Variants in CDH13 observed in about 807,000 individuals in gnomAD.
CDH13 encodes cadherin 13, also known as cadherin-13.
CDH13 carries 24 observed loss-of-function variants against 63.8 expected under a neutral mutation model. The observed-to-expected ratio is 0.38, with a 90% CI of 0.27 to 0.53. The LOEUF is 0.53. Among genes scored for constraint, CDH13 ranks in the 20% least tolerant of loss-of-function variants. The pLI is 0.85. For missense variants in CDH13, 1,049 were observed against 903.1 expected, an observed-to-expected ratio of 1.16 and a Z score of -2.07; for synonymous variants, 503 against 355.3, an observed-to-expected ratio of 1.42 and a Z score of -4.67.
chr16:83,581,514 C>T (rs1905595930), intron 7 of CDH13, among the ~76,000 whole-genome samples: 1 of 152,098 alleles, frequency 6.6e-6, no homozygotes, highest in South Asian at 2.1e-4. Context: ...CTTCTCAGGC[C>T]ACCCTATTTA....
intron 10 of CDH13, among the ~76,000 whole-genome samples, chr16:83,746,471 G>T (rs1044034581): frequency 2.6e-5 from 4 of 152,182 alleles, no homozygotes; most frequent in Admixed American, 2.6e-4. Context: ...GCTCTGCAAA[G>T]TCTTTGCTCT....
Position 82,640,009 on chromosome 16 carries a change from G to A in CDH13, c.45+12872G>A, listed in dbSNP as rs538617197. 2.4e-3 allele frequency among the ~76,000 whole-genome samples: 361 copies of A among 152,352 alleles called. 1 individual carries two copies. Among genetic ancestry groups the A allele is most frequent in the Non-Finnish European group, 4.2e-3 (287 of 68,026 alleles). ...TATCTCAAGCACAATTCTCAGCATT[G>A]AGGGAGGCAGCAGTGATTAAGAAAG... On this transcript the variant is annotated intron_variant, in intron 1 of 13. Coordinates refer to ENST00000567109, the MANE Select transcript of CDH13 (RefSeq NM_001257.5).
intron 11 of CDH13, among the ~76,000 whole-genome samples, chr16:83,758,938 A>G (rs1651807343): frequency 6.6e-6 from 1 of 152,238 alleles, no homozygotes; most frequent in East Asian, 1.9e-4. Context: ...GGAAGGCTCA[A>G]TGGTATTGAA....
Position 82,961,572 on chromosome 16 carries a change from T to TAAA in CDH13, c.158-70416_158-70414dup, listed in dbSNP as rs71376305. 8.0e-3 allele frequency among the ~76,000 whole-genome samples: 828 copies of TAAA among 103,324 alleles called. 16 individuals carry two copies. The highest frequency in any genetic ancestry group is 0.056 in the East Asian group (187 of 3,348). 67.8% of individuals were successfully genotyped at this position (103,324 alleles called of 152,430 possible). On this transcript the variant is annotated intron_variant, in intron 2 of 13. Coordinates refer to ENST00000567109, the MANE Select transcript of CDH13 (RefSeq NM_001257.5). ...TGTCCATAAGAATAAGCAGGGGACT[T>TAAA]AAAAAAAAAAAAAAAAAAAAAAAAC... is the stretch of plus-strand genomic sequence containing the variant.
chr16:83,645,462 G>A (rs80174056), intron 8 of CDH13, among the ~76,000 whole-genome samples: 4 of 152,246 alleles, frequency 2.6e-5, no homozygotes, highest in Admixed American at 6.5e-5. Flanking sequence ...AGTGTTTGCT[G>A]TTTGGGTAAT....
In CDH13 at chr16:82,694,172, G is replaced by T. The variant is rs556251062; in HGVS notation, c.45+67035G>T. ...CATATAGAGCTATTTATGCAGAAAA[G>T]TTTATGTGACAACTACCAGATATGG... On this transcript the variant is annotated intron_variant, in intron 1 of 13. Coordinates refer to ENST00000567109, the MANE Select transcript of CDH13 (RefSeq NM_001257.5). 5.9e-5 allele frequency among the ~76,000 whole-genome samples: 9 copies of T among 152,310 alleles called. No homozygotes were observed. In the South Asian group the frequency reaches 1.9e-3, roughly 32 times the overall value.
At chr16:83,308,461 C>A (rs944725318) in intron 5 of CDH13, among the ~76,000 whole-genome samples, 1 of 152,214 alleles carries the variant, frequency 6.6e-6, no homozygotes, top group Non-Finnish European at 1.5e-5. Context: ...ACATGAATTC[C>A]TTCAAACTTG....
intron 1 of CDH13, among the ~76,000 whole-genome samples, chr16:82,723,275 G>A (rs962368257): frequency 5.3e-5 from 8 of 152,184 alleles, no homozygotes; most frequent in Admixed American, 5.2e-4. Flanking sequence ...TATTTCATCT[G>A]CTCTCAGGGC....
chr16:83,465,007 A>G (rs928173816), intron 6 of CDH13, among the ~76,000 whole-genome samples: 1 of 152,204 alleles, frequency 6.6e-6, no homozygotes, highest in Non-Finnish European at 1.5e-5. Flanking sequence ...TCATTTCAGA[A>G]CCATTGAATT....
intron 1 of CDH13, among the ~76,000 whole-genome samples, chr16:82,729,271 C>G (rs2033269481): frequency 6.6e-6 from 1 of 152,150 alleles, no homozygotes; most frequent in East Asian, 1.9e-4. Context: ...GTTCACTTTG[C>G]CCCGATCCAT....
chr16:82,650,675 A>G (rs1294727391), intron 1 of CDH13, among the ~76,000 whole-genome samples: 1 of 152,162 alleles, frequency 6.6e-6, no homozygotes, highest in African/African-American at 2.4e-5. Context: ...CTTGGTTTCC[A>G]GAAAACTGTA....
At chr16:83,230,779 C>G (rs573078568) in intron 5 of CDH13, among the ~76,000 whole-genome samples, 1 of 152,196 alleles carries the variant, frequency 6.6e-6, no homozygotes, top group Non-Finnish European at 1.5e-5. Flanking sequence ...GAGCGAGACT[C>G]TGTCTCAAAG....
chr16:82,761,017 CTTTTTTTTTTT>C lies in CDH13; in HGVS notation c.46-97326_46-97316del, dbSNP rs35038319. 7.3e-3 allele frequency among the ~76,000 whole-genome samples: 294 copies of C among 40,494 alleles called. 2 individuals carry two copies. The highest frequency in any genetic ancestry group is 0.012 in the African/African-American group (139 of 11,236). The allele number at this position is 40,494 out of a possible 152,430, so 26.6% of individuals were successfully genotyped here. A position where few individuals can be genotyped will look rare whatever the true frequency, so the allele number is the denominator to read the frequency against. ...CTCTGGGGTTCACATTTCTTTCTTT[CTTTTTTTTTTT>C]TTTTTTTTTTTTTTTTTTGGAGTCT... On this transcript the variant is annotated intron_variant, in intron 1 of 13. Coordinates refer to ENST00000567109, the MANE Select transcript of CDH13 (RefSeq NM_001257.5).
chr16:82,988,922 C>T (rs550394587), intron 2 of CDH13, among the ~76,000 whole-genome samples: 199 of 152,214 alleles, frequency 1.3e-3, no homozygotes, highest in Middle Eastern at 0.01. Flanking sequence ...TGAGACTCTA[C>T]GTTCCTTGAA....
intron 3 of CDH13, among the ~76,000 whole-genome samples, chr16:83,043,525 G>GTA (rs1555569765): frequency 6.7e-6 from 1 of 148,710 alleles, no homozygotes; most frequent in Non-Finnish European, 1.5e-5. Context: ...GTGTGTGTGT[G>GTA]TGTATGTATA....
At chr16:83,129,517 G>A (rs1054109064) in intron 4 of CDH13, among the ~76,000 whole-genome samples, 27 of 152,160 alleles carry the variant, frequency 1.8e-4, no homozygotes, top group Non-Finnish European at 3.2e-4. Context: ...TGGGTGACTG[G>A]ATTGTAATGT....
In CDH13 at chr16:83,338,153, G is replaced by A. The variant is rs189017233; in HGVS notation, c.637-6709G>A. Among the ~76,000 whole-genome samples, 368 of 142,506 alleles carry A rather than the reference G, an allele frequency of 2.6e-3. 1 individual carries two copies. The highest frequency in any genetic ancestry group is 8.2e-3 in the Middle Eastern group (2 of 244). 93.5% of individuals were successfully genotyped at this position (142,506 alleles called of 152,430 possible). A position where few individuals can be genotyped will look rare whatever the true frequency, so the allele number is the denominator to read the frequency against. On this transcript the variant is annotated intron_variant, in intron 5 of 13. Coordinates refer to ENST00000567109, the MANE Select transcript of CDH13 (RefSeq NM_001257.5). ...GCAAAAAAAGGCCAGACCTGTATGG[G>A]ACACCAAATCAATGTTAGTCCTCTT...
In CDH13 at chr16:82,753,115, A is replaced by G. The variant is rs376086882; in HGVS notation, c.46-105247A>G. ...ATTTCAAAAGTGACCTCTTACAAAC[A>G]GTACGTGTCAGCTCCTACTTATTAT... On this transcript the variant is annotated intron_variant, in intron 1 of 13. Coordinates refer to ENST00000567109, the MANE Select transcript of CDH13 (RefSeq NM_001257.5). Among the ~76,000 whole-genome samples, 23 of 152,338 alleles carry G rather than the reference A, an allele frequency of 1.5e-4. No individual in the cohort carries two copies. In the South Asian group the frequency reaches 4.1e-3, roughly 27 times the overall value.
At chr16:83,407,132 G>A (rs1180419193) in intron 6 of CDH13, among the ~76,000 whole-genome samples, 1 of 152,206 alleles carries the variant, frequency 6.6e-6, no homozygotes, top group Non-Finnish European at 1.5e-5. Flanking sequence ...CCCTCTGGGA[G>A]CAGGAAGACT....
Sources: gnomAD v4.1 joint callset for allele counts (sites outside exome capture counted in the v4.1 genomes callset) on GRCh38, gnomAD v4.1.1 for gene constraint, MANE v1.5 for transcripts, NCBI Gene and HGNC (gene_info 2026-07-23, HGNC 2026-07-21) for gene names.